CNTN5: variants seen among roughly 807,000 people sequenced by gnomAD.
The protein encoded by CNTN5 is contactin 5.
A neutral mutation model predicts 129.1 loss-of-function variants in CNTN5; 77 were observed. That is an observed-to-expected ratio of 0.60 (90% CI 0.50 to 0.72). The LOEUF (loss-of-function observed/expected upper bound fraction) is 0.72. CNTN5 is among the 30% of genes least tolerant of loss of function. CNTN5 has a pLI of 0.00. For synonymous variants in CNTN5, 509 were observed against 465.6 expected, an observed-to-expected ratio of 1.09 and a Z score of -1.20; for missense variants, 1,478 against 1,328.8, an observed-to-expected ratio of 1.11 and a Z score of -1.75.
At chr11:99,423,826 G>A (rs779152194) in intron 2 of CNTN5, among the ~76,000 whole-genome samples, 1 of 149,894 alleles carries the variant, frequency 6.7e-6, no homozygotes, top group Non-Finnish European at 1.5e-5. Flanking sequence ...GAGAGAGGCA[G>A]CATAAGACTA....
intron 3 of CNTN5, among the ~76,000 whole-genome samples, chr11:99,683,274 C>T (rs1953640617): frequency 6.6e-6 from 1 of 151,698 alleles, no homozygotes; most frequent in Non-Finnish European, 1.5e-5. Context: ...TTTCCTGTTC[C>T]ACCTTGCACT....
At chr11:99,963,124 T>C (rs1950996857) in intron 8 of CNTN5, among the ~76,000 whole-genome samples, 2 of 152,216 alleles carry the variant, frequency 1.3e-5, no homozygotes, top group Admixed American at 6.5e-5. Context: ...TTCAATCTGA[T>C]GGTAGTTTCT....
chr11:100,165,322 T>C (rs1228339198), intron 13 of CNTN5, among the ~76,000 whole-genome samples: 1 of 151,750 alleles, frequency 6.6e-6, no homozygotes, highest in African/African-American at 2.4e-5. Flanking sequence ...CCTGTGTAAC[T>C]TGGCCCTCTC....
intron 8 of CNTN5, among the ~76,000 whole-genome samples, chr11:99,968,847 T>C (rs964803471): frequency 5.3e-5 from 8 of 151,886 alleles, no homozygotes; most frequent in African/African-American, 1.7e-4. Flanking sequence ...GATACATTTA[T>C]CTCTGCTAAG....
chr11:99,852,403 G>C (rs1053132280), intron 6 of CNTN5, among the ~76,000 whole-genome samples: 1 of 152,090 alleles, frequency 6.6e-6, no homozygotes, highest in Non-Finnish European at 1.5e-5. Flanking sequence ...TCTTGAGCTC[G>C]TGGTTTCAAG....
At chr11:99,889,291 GGTGTGTGT>G (rs71050029) in intron 6 of CNTN5, among the ~76,000 whole-genome samples, 3 of 33,214 alleles carry the variant, frequency 9.0e-5, no homozygotes, top group African/African-American at 2.9e-4. Context: ...CTCCAGAGCA[GGTGTGTGT>G]GTGTGTGTGT....
rs199694734 is a variant in CNTN5, at chr11:99,388,526, C to T, written c.-71+63042C>T. ...ATAGTGCCATGCGTATCTTTGGTTT[C>T]TAGAATGATATGCAATCAATAAATC... On this transcript the variant is annotated intron_variant, in intron 2 of 24. Coordinates refer to ENST00000524871, the MANE Select transcript of CNTN5 (RefSeq NM_014361.4). Among the ~76,000 whole-genome samples, 7 of 151,582 alleles carry T rather than the reference C, an allele frequency of 4.6e-5. No individual in the cohort carries two copies. The East Asian group carries it at 9.7e-4, about 21-fold the overall frequency.
intron 1 of CNTN5, among the ~76,000 whole-genome samples, chr11:99,156,368 T>G (rs570565917): frequency 6.6e-6 from 1 of 152,082 alleles, no homozygotes; most frequent in African/African-American, 2.4e-5. Flanking sequence ...TGGATTTTTT[T>G]ATCATCGAAG....
intron 2 of CNTN5, among the ~76,000 whole-genome samples, chr11:99,526,627 G>C (rs1209337593): frequency 6.6e-6 from 1 of 152,166 alleles, no homozygotes; most frequent in Non-Finnish European, 1.5e-5. Context: ...TCAATTCTTT[G>C]AGGTGTAATG....
chr11:99,321,332 C>T (rs141750310), intron 1 of CNTN5, among the ~76,000 whole-genome samples: 4,334 of 149,080 alleles, frequency 0.029, 445 homozygotes, highest in East Asian at 0.24. Context: ...ATATTATATA[C>T]ATATATTTAT....
chr11:99,984,484 GATGGTGATGATTTTTTTGTTTTTGTTTT>G (rs1233004845), intron 8 of CNTN5, among the ~76,000 whole-genome samples: 1 of 152,056 alleles, frequency 6.6e-6, no homozygotes, highest in Non-Finnish European at 1.5e-5. Context: ...CTGTTGTGGT[GATGGTGATGATTTTTTTGTTTTTGTTTT>G]TGTTTTCATT....
chr11:99,459,814 G>A (rs936223424), intron 2 of CNTN5, among the ~76,000 whole-genome samples: 1 of 151,908 alleles, frequency 6.6e-6, no homozygotes, highest in Non-Finnish European at 1.5e-5. Context: ...GTTGTCATGA[G>A]AACTGGTAAC....
At chr11:99,631,420 A>C (rs530727700) in intron 3 of CNTN5, among the ~76,000 whole-genome samples, 1 of 152,128 alleles carries the variant, frequency 6.6e-6, no homozygotes, top group African/African-American at 2.4e-5. Context: ...TGAATTAGTA[A>C]AGAACGAAAT....
At chr11:100,323,785 C>T (rs1365583826) in intron 21 of CNTN5, among the ~76,000 whole-genome samples, 3 of 151,894 alleles carry the variant, frequency 2.0e-5, no homozygotes, top group East Asian at 3.9e-4. Context: ...ATCCTTCTTT[C>T]TACTTTATTT....
At chr11:100,172,284 T>G (rs1166333050) in intron 13 of CNTN5, among the ~76,000 whole-genome samples, 2 of 151,886 alleles carry the variant, frequency 1.3e-5, no homozygotes, top group Non-Finnish European at 2.9e-5. Flanking sequence ...AAAAATGTGG[T>G]CTGATAAATT....
intron 6 of CNTN5, among the ~76,000 whole-genome samples, chr11:99,898,528 C>T (rs954392397): frequency 6.6e-6 from 1 of 152,022 alleles, no homozygotes; most frequent in African/African-American, 2.4e-5. Flanking sequence ...TCAATCACTG[C>T]TTCTTTCAAC....
intron 9 of CNTN5, among the ~76,000 whole-genome samples, chr11:100,047,168 A>C (rs1395677686): frequency 3.3e-5 from 5 of 152,202 alleles, no homozygotes; most frequent in Admixed American, 6.5e-5. Flanking sequence ...AACAAAAAAA[A>C]CAGAAAACCT....
chr11:100,337,596 G>T, intron 21 of CNTN5: 1 of 733,716 alleles, frequency 1.4e-6, no homozygotes, highest in South Asian at 1.3e-5. Context: ...TGTGGAGGAT[G>T]ATCATTTTAA....
chr11:99,112,137 C>A (rs981228791), intron 1 of CNTN5, among the ~76,000 whole-genome samples: 9 of 151,906 alleles, frequency 5.9e-5, no homozygotes, highest in African/African-American at 1.7e-4. Context: ...AAATGTTGAA[C>A]AAAGTAGAAA....
Sources: allele counts gnomAD v4.1 joint callset (sites outside exome capture counted in the v4.1 genomes callset), GRCh38; gene constraint gnomAD v4.1.1; transcripts MANE v1.5; gene names NCBI Gene and HGNC (gene_info 2026-07-23, HGNC 2026-07-21).